CCDC167: variants seen among roughly 807,000 people sequenced by gnomAD.
CCDC167 encodes coiled-coil domain containing 167.
CCDC167 carries 15 observed loss-of-function variants against 12.7 expected under a neutral mutation model. The ratio of observed to expected loss-of-function variants is 1.18; its 90% confidence interval spans 0.79 to 1.81. The LOEUF (loss-of-function observed/expected upper bound fraction) is 1.81. Among genes scored for constraint, CCDC167 ranks in the 40% most tolerant of loss-of-function variants. The pLI, the probability that CCDC167 is intolerant of heterozygous loss-of-function variation, is 0.00. For missense variants in CCDC167, 121 were observed against 120.1 expected, an observed-to-expected ratio of 1.01 and a Z score of -0.03; for synonymous variants, 52 against 49.0, an observed-to-expected ratio of 1.06 and a Z score of -0.26.
intron 1 of CCDC167, among the ~76,000 whole-genome samples, chr6:37,491,538 C>T (rs1485204072): frequency 6.6e-6 from 1 of 152,206 alleles, no homozygotes; most frequent in East Asian, 1.9e-4. Flanking sequence ...GGTAATGGGG[C>T]ATACACTGCA....
chr6:37,487,987 C>T (rs1459596117), intron 1 of CCDC167, among the ~76,000 whole-genome samples: 1 of 152,252 alleles, frequency 6.6e-6, no homozygotes, highest in Non-Finnish European at 1.5e-5. Flanking sequence ...ATAGCAAGTT[C>T]CCCTTCTTTA....
At chr6:37,499,406 GCTCC>G (rs1398845293) in intron 1 of CCDC167, among the ~76,000 whole-genome samples, 1 of 152,000 alleles carries the variant, frequency 6.6e-6, no homozygotes, top group Non-Finnish European at 1.5e-5. Flanking sequence ...ACCAGAATGG[GCTCC>G]CTCATCTTTG....
chr6:37,490,796 CTTCT>C (rs1266483759), intron 1 of CCDC167, among the ~76,000 whole-genome samples: 1 of 152,096 alleles, frequency 6.6e-6, no homozygotes, highest in Non-Finnish European at 1.5e-5. Flanking sequence ...GCAGAAAGGG[CTTCT>C]TCATGCCCAG....
At chr6:37,487,008 G>T (rs879658174) in intron 1 of CCDC167, among the ~76,000 whole-genome samples, 5 of 152,132 alleles carry the variant, frequency 3.3e-5, no homozygotes, top group Non-Finnish European at 7.4e-5. Context: ...TGGCAGGGGG[G>T]TGGGGGTTGG....
intron 1 of CCDC167, among the ~76,000 whole-genome samples, chr6:37,489,942 G>C (rs955957057): frequency 6.6e-6 from 1 of 152,220 alleles, no homozygotes; most frequent in Non-Finnish European, 1.5e-5. Flanking sequence ...TGGGGGCAGA[G>C]AGCAGGTGCC....
Position 37,494,821 on chromosome 6 carries a change from T to TTTTTTTTTTTTTTTTA in CCDC167, c.42+5000_42+5001insTAAAAAAAAAAAAAAA. Among the ~76,000 whole-genome samples, 3 of 150,038 alleles carry TTTTTTTTTTTTTTTTA rather than the reference T, an allele frequency of 2.0e-5. 1 individual carries two copies. Among genetic ancestry groups the TTTTTTTTTTTTTTTTA allele is most frequent in the Non-Finnish European group, 3.0e-5 (2 of 67,640 alleles). On this transcript the variant is annotated intron_variant, in intron 1 of 3. Transcript: ENST00000373408. Reference sequence around the variant, plus strand: ...TACCTACAAATTTTTTTTTTTTTTTTGAGACGGGGTCTCTGTTGCCCAGAC... The same window carrying TTTTTTTTTTTTTTTTA: ...TACCTACAAATTTTTTTTTTTTTTTTTTTTTTTTTTTTTTTAGAGACGGGGTCTCTGTTGCCCAGAC...
intron 1 of CCDC167, among the ~76,000 whole-genome samples, chr6:37,497,595 T>G (rs1762114615): frequency 6.6e-6 from 1 of 152,104 alleles, no homozygotes; most frequent in Non-Finnish European, 1.5e-5. Context: ...GGCTCACACC[T>G]CTAATCCCAG....
At chr6:37,495,795 G>A (rs573969889) in intron 1 of CCDC167, among the ~76,000 whole-genome samples, 52 of 152,304 alleles carry the variant, frequency 3.4e-4, no homozygotes, top group African/African-American at 1.1e-3. Context: ...TATTGCACTC[G>A]TCAGATTAAC....
At chr6:37,492,805 C>G (rs1039898681) in intron 1 of CCDC167, among the ~76,000 whole-genome samples, 1 of 152,234 alleles carries the variant, frequency 6.6e-6, no homozygotes, top group South Asian at 2.1e-4. Context: ...CAGATGGTCT[C>G]TGGCAAGAGT....
At chr6:37,487,429 C>G (rs58839558) in intron 1 of CCDC167, among the ~76,000 whole-genome samples, 7,160 of 152,308 alleles carry the variant, frequency 0.047, 563 homozygotes, top group African/African-American at 0.16. Flanking sequence ...AGCCTGAAAC[C>G]TCCGTTCTTC....
At position 37,483,169 on chromosome 6, in the gene CCDC167, G is replaced by T. The variant is rs771056654; in HGVS notation, c.*17C>A. 19 of 1,591,584 alleles carry T rather than the reference G, an allele frequency of 1.2e-5. No individual in the cohort carries two copies. The highest frequency in any genetic ancestry group is 1.1e-5 in the South Asian group (1 of 90,636). ...GGCCAAGTGGAAGCCTGTGCTGGTT[G>T]TGGGGAAGTGCCAGGCTCACATGGT... On this transcript the variant is annotated 3_prime_UTR_variant, in exon 4 of 4. Transcript: ENST00000373408.
chr6:37,483,145 G>T lies in CCDC167; in HGVS notation c.*41C>A. On this transcript the variant is annotated 3_prime_UTR_variant, in exon 4 of 4. Transcript: ENST00000373408. ...GTGCCTGCTTGATCCTGATCAAGGG[G>T]CCAAGTGGAAGCCTGTGCTGGTTGT... 2.7e-6 allele frequency: 4 copies of T among 1,486,660 alleles called. No homozygotes were observed. In the South Asian group the frequency reaches 4.5e-5, roughly 17 times the overall value. 92.1% of individuals were successfully genotyped at this position (1,486,660 alleles called of 1,614,324 possible). A position where few individuals can be genotyped will look rare whatever the true frequency, so the allele number is the denominator to read the frequency against.
chr6:37,494,056 CTTTTTTT>C lies in CCDC167; in HGVS notation c.42+5759_42+5765del, dbSNP rs70977666. On this transcript the variant is annotated intron_variant, in intron 1 of 3. Transcript: ENST00000373408. ...CACTTCTCATGGTCAGTGATCCTGC[CTTTTTTT>C]TTTTTTTTTTTTTTTTTTTGAGACG... 1.0e-3 allele frequency among the ~76,000 whole-genome samples: 92 copies of C among 91,384 alleles called. 1 individual carries two copies. The highest frequency in any genetic ancestry group is 2.7e-3 in the Admixed American group (23 of 8,586). The allele number at this position is 91,384 out of a possible 152,430, so 60.0% of individuals were successfully genotyped here. A position where few individuals can be genotyped will look rare whatever the true frequency, so the allele number is the denominator to read the frequency against.
chr6:37,499,730 T>A, intron 1 of CCDC167, 92 bp downstream of exon 1: 1 of 1,400,028 alleles, frequency 7.1e-7, no homozygotes, highest in East Asian at 2.3e-5. Flanking sequence ...TACGCTTGGC[T>A]CCTCCTCCTA....
At chr6:37,484,971 G>A (rs1017949228) in intron 2 of CCDC167, 109 bp from the exon 3 acceptor site, 3 of 1,465,288 alleles carry the variant, frequency 2.0e-6, no homozygotes, top group African/African-American at 2.8e-5. Context: ...CGGCAGGGGG[G>A]GTGTGCACTG....
intron 1 of CCDC167, among the ~76,000 whole-genome samples, chr6:37,488,132 A>G (rs918046862): frequency 3.3e-5 from 5 of 152,228 alleles, no homozygotes; most frequent in African/African-American, 7.2e-5. Context: ...GAAGCTGACA[A>G]TCAAACACCC....
At chr6:37,494,446 C>G (rs1762071817) in intron 1 of CCDC167, among the ~76,000 whole-genome samples, 1 of 152,178 alleles carries the variant, frequency 6.6e-6, no homozygotes, top group Admixed American at 6.5e-5. Flanking sequence ...CAGATACTGT[C>G]AACTGGCCAA....
At chr6:37,491,960 G>A (rs951335790) in intron 1 of CCDC167, among the ~76,000 whole-genome samples, 6 of 152,166 alleles carry the variant, frequency 3.9e-5, no homozygotes, top group Admixed American at 6.5e-5. Flanking sequence ...AGAAGGCAGC[G>A]CTCATCAGCT....
intron 3 of CCDC167, 28 bp from the exon 4 acceptor site, chr6:37,483,317 G>T: frequency 6.5e-7 from 1 of 1,535,430 alleles, no homozygotes; most frequent in Non-Finnish European, 9.0e-7. Context: ...GATAGGGATA[G>T]GACAGGCAGT....
Sources: gnomAD v4.1 joint callset for allele counts (sites outside exome capture counted in the v4.1 genomes callset) on GRCh38, gnomAD v4.1.1 for gene constraint, MANE v1.5 for transcripts, NCBI Gene and HGNC (gene_info 2026-07-23, HGNC 2026-07-21) for gene names.